The following ATP6V1A variants were observed in gnomAD, a reference collection of about 807,000 sequenced individuals.
The protein encoded by ATP6V1A is ATPase H+ transporting V1 subunit A, also known as V-type proton ATPase catalytic subunit A.
Under a neutral mutation model 70.1 loss-of-function variants are expected in ATP6V1A, and 18 were observed. The observed-to-expected ratio is 0.26, with a 90% confidence interval of 0.18 to 0.38. The LOEUF (loss-of-function observed/expected upper bound fraction) is 0.38. Among genes scored for constraint, ATP6V1A ranks in the 10% least tolerant of loss-of-function variants. ATP6V1A has a pLI of 1.00. For synonymous variants in ATP6V1A, 232 were observed against 253.8 expected (o/e 0.91, Z 0.82); for missense variants, 424 against 772.4 (o/e 0.55, Z 5.35).
rs141287963 is a variant in ATP6V1A at position 113,787,307 on chromosome 3, TG to T, written c.716+927del. Among the ~76,000 whole-genome samples the T allele has an allele frequency of 5.9e-3, 894 of 152,298 alleles. 13 individuals carry two copies. The highest frequency in any genetic ancestry group is 0.021 in the African/African-American group (852 of 41,548). On this transcript the variant is annotated intron_variant, in intron 6 of 14. Transcript: ENST00000273398. ...TCAGTTTAGTCCCAAACTCCATGCCTGGGATAAATCAAACTGAGAAGCAAGC... is the reference window on the plus strand; with the variant it reads ...TCAGTTTAGTCCCAAACTCCATGCCTGGATAAATCAAACTGAGAAGCAAGC...
chr3:113,774,687 A>T (rs1000928696), intron 1 of ATP6V1A, among the ~76,000 whole-genome samples: 1 of 151,898 alleles, frequency 6.6e-6, no homozygotes, highest in Non-Finnish European at 1.5e-5. Flanking sequence ...AGTGGCACAC[A>T]CTGTAGTCCC....
chr3:113,780,727 C>T (rs936221573), intron 2 of ATP6V1A: 5 of 1,291,348 alleles, frequency 3.9e-6, no homozygotes, highest in South Asian at 1.3e-5. Context: ...TTTATTGTTC[C>T]AAAGCCTTCA....
chr3:113,796,915 T>C (rs1239427883), intron 11 of ATP6V1A, among the ~76,000 whole-genome samples: 1 of 152,214 alleles, frequency 6.6e-6, no homozygotes, highest in Non-Finnish European at 1.5e-5. Context: ...CAACTAAATT[T>C]AATCAAAACA....
intron 5 of ATP6V1A, among the ~76,000 whole-genome samples, chr3:113,785,315 C>T (rs1257342065): frequency 6.6e-6 from 1 of 152,068 alleles, no homozygotes; most frequent in Non-Finnish European, 1.5e-5. Context: ...TGGCGCACGC[C>T]TGTAATCCCA....
chr3:113,805,250 T>G, intron 13 of ATP6V1A, 104 bp from the exon 14 acceptor site: 1 of 1,146,692 alleles, frequency 8.7e-7, no homozygotes, highest in South Asian at 1.4e-5. Context: ...ATAAGCAATC[T>G]GCATACTTAG....
At chr3:113,755,439 A>T (rs539965348) in intron 1 of ATP6V1A, among the ~76,000 whole-genome samples, 1 of 150,080 alleles carries the variant, frequency 6.7e-6, no homozygotes, top group African/African-American at 2.4e-5. Flanking sequence ...TACAAAAAAA[A>T]AAAAAAAAAA....
chr3:113,803,442 C>A, intron 12 of ATP6V1A, 141 bp from the exon 13 acceptor site: 1 of 652,688 alleles, frequency 1.5e-6, no homozygotes, highest in Non-Finnish European at 2.7e-6. Context: ...AAAAGAACAT[C>A]AATCAAAAAG....
At chr3:113,797,516 A>G (rs1268227597) in intron 11 of ATP6V1A, among the ~76,000 whole-genome samples, 2 of 152,058 alleles carry the variant, frequency 1.3e-5, no homozygotes, top group Non-Finnish European at 1.5e-5. Flanking sequence ...TCAGCCTCCC[A>G]GAGTGCTAGG....
At chr3:113,770,890 C>T (rs1158407203) in intron 1 of ATP6V1A, among the ~76,000 whole-genome samples, 1 of 151,882 alleles carries the variant, frequency 6.6e-6, no homozygotes, top group Non-Finnish European at 1.5e-5. Context: ...GTCAGGAGTT[C>T]AAGACCAGCC....
chr3:113,768,549 T>C (rs2108017667), intron 1 of ATP6V1A, among the ~76,000 whole-genome samples: 1 of 151,848 alleles, frequency 6.6e-6, no homozygotes, highest in East Asian at 1.9e-4. Context: ...CCCAGGCAGA[T>C]GACCAAATCC....
At chr3:113,791,541 A>G (rs747260245) in intron 8 of ATP6V1A, among the ~76,000 whole-genome samples, 1 of 151,808 alleles carries the variant, frequency 6.6e-6, no homozygotes. Flanking sequence ...ACTATTACTC[A>G]TCTTTGTAGG....
chr3:113,793,184 C>G (rs746045619), intron 8 of ATP6V1A, among the ~76,000 whole-genome samples: 1 of 152,028 alleles, frequency 6.6e-6, no homozygotes, highest in Non-Finnish European at 1.5e-5. Flanking sequence ...CTCAGCCTCC[C>G]GAGTAGCTGG....
chr3:113,809,270 A>G, intron 14 of ATP6V1A, 65 bp from the exon 15 acceptor site: 1 of 1,414,784 alleles, frequency 7.1e-7, no homozygotes. Flanking sequence ...AAAAAAAAGT[A>G]ACTTAACATA....
In ATP6V1A at chr3:113,811,100, A is replaced by T. The variant is rs922712428; in HGVS notation, c.*1673A>T. On this transcript the variant is annotated 3_prime_UTR_variant, in exon 15 of 15. Transcript: ENST00000273398. The stretch of plus-strand genomic sequence containing the variant: ...TTCCCATTAACTCTTTCTGACCAAT[A>T]GTGCTGGCACCGTTGCTTCCTCTTT... 1 of 152,238 alleles carries T rather than the reference A, an allele frequency of 6.6e-6. No individual in the cohort carries two copies. The highest frequency in any genetic ancestry group is 2.4e-5 in the African/African-American group (1 of 41,466). 9.4% of individuals were successfully genotyped at this position (152,238 alleles called of 1,614,324 possible).
intron 14 of ATP6V1A, among the ~76,000 whole-genome samples, chr3:113,805,839 GCTT>G (rs1709270362): frequency 6.6e-6 from 1 of 152,150 alleles, no homozygotes; most frequent in South Asian, 2.1e-4. Flanking sequence ...AAAGTGCAAT[GCTT>G]CTTTTTAATT....
intron 12 of ATP6V1A, among the ~76,000 whole-genome samples, chr3:113,800,260 C>T (rs1012807725): frequency 1.3e-5 from 2 of 151,196 alleles, no homozygotes; most frequent in Non-Finnish European, 3.0e-5. Context: ...CGCAATTTCT[C>T]TTTAATCTGT....
chr3:113,760,524 C>G (rs990597952), intron 1 of ATP6V1A, among the ~76,000 whole-genome samples: 1 of 151,574 alleles, frequency 6.6e-6, no homozygotes, highest in Admixed American at 6.6e-5. Flanking sequence ...ATCAAGAGAT[C>G]GAGACCATCC....
intron 8 of ATP6V1A, among the ~76,000 whole-genome samples, chr3:113,793,485 A>AG (rs1187168081): frequency 1.3e-5 from 2 of 152,198 alleles, no homozygotes; most frequent in Non-Finnish European, 2.9e-5. Flanking sequence ...TGATACCTGT[A>AG]GGTCTGTCAG....
chr3:113,785,517 T>C (rs1276102967), intron 5 of ATP6V1A, among the ~76,000 whole-genome samples: 2 of 146,014 alleles, frequency 1.4e-5, no homozygotes, highest in African/African-American at 5.0e-5. Flanking sequence ...TTTTTTTTTT[T>C]TTTTTTTTTG....
Sources: allele counts gnomAD v4.1 joint callset (sites outside exome capture counted in the v4.1 genomes callset), GRCh38; gene constraint gnomAD v4.1.1; transcripts MANE v1.5; gene names NCBI Gene and HGNC (gene_info 2026-07-23, HGNC 2026-07-21).